The following ZNF385D variants were observed in gnomAD, a reference collection of about 807,000 sequenced individuals.
The protein encoded by ZNF385D is zinc finger protein 385D, also known as zinc finger protein 659.
A neutral mutation model predicts 35.8 loss-of-function variants in ZNF385D; 15 were observed. That is an observed-to-expected ratio of 0.42 (90% CI 0.28 to 0.64). The LOEUF is 0.64. Ranked by LOEUF, ZNF385D falls within the 30% of genes least tolerant of loss-of-function variation. ZNF385D has a pLI of 0.23. For missense variants in ZNF385D, 474 were observed against 494.6 expected (o/e 0.96, Z 0.39); for synonymous variants, 212 against 186.8 (o/e 1.13, Z -1.10).
intron 3 of ZNF385D, among the ~76,000 whole-genome samples, chr3:21,823,145 A>G (rs558403237): frequency 1.3e-4 from 20 of 152,256 alleles, no homozygotes; most frequent in African/African-American, 4.3e-4. Context: ...GTGTACATAT[A>G]TGTTTATTGA....
intron 3 of ZNF385D, among the ~76,000 whole-genome samples, chr3:22,105,493 G>A (rs1003316127): frequency 3.9e-5 from 6 of 151,994 alleles, no homozygotes; most frequent in South Asian, 2.1e-4. Context: ...ACACAATTAC[G>A]GAGGCTGAGA....
intron 2 of ZNF385D, among the ~76,000 whole-genome samples, chr3:22,327,653 C>T (rs541058901): frequency 8.5e-5 from 13 of 152,260 alleles, no homozygotes; most frequent in South Asian, 2.1e-4. Context: ...GTAGGTGGTG[C>T]TATGTTTTCT....
chr3:22,263,821 G>A (rs1215007287), intron 2 of ZNF385D, among the ~76,000 whole-genome samples: 1 of 151,904 alleles, frequency 6.6e-6, no homozygotes, highest in Admixed American at 6.6e-5. Flanking sequence ...GGCATCTAGT[G>A]GGTATTACTA....
At chr3:22,090,470 G>T (rs1020557964) in intron 3 of ZNF385D, among the ~76,000 whole-genome samples, 1 of 151,918 alleles carries the variant, frequency 6.6e-6, no homozygotes, top group Non-Finnish European at 1.5e-5. Flanking sequence ...CATGGTGTGG[G>T]ATAGATTTTT....
At chr3:22,290,929 T>C (rs1443065417) in intron 2 of ZNF385D, among the ~76,000 whole-genome samples, 1 of 152,150 alleles carries the variant, frequency 6.6e-6, no homozygotes, top group Non-Finnish European at 1.5e-5. Flanking sequence ...TGTATATTTT[T>C]GTGTGCTTTT....
At chr3:22,008,232 C>T (rs1576140544) in intron 3 of ZNF385D, among the ~76,000 whole-genome samples, 1 of 152,022 alleles carries the variant, frequency 6.6e-6, no homozygotes, top group African/African-American at 2.4e-5. Context: ...AAAATACACA[C>T]TTGTCATCAA....
At chr3:21,527,863 C>T (rs547436325) in intron 3 of ZNF385D, among the ~76,000 whole-genome samples, 19 of 152,208 alleles carry the variant, frequency 1.2e-4, no homozygotes, top group Admixed American at 8.5e-4. Context: ...TGGATTTTTA[C>T]GTGAGCACTA....
intron 2 of ZNF385D, among the ~76,000 whole-genome samples, chr3:22,258,627 A>C (rs774421104): frequency 6.6e-6 from 1 of 151,662 alleles, no homozygotes; most frequent in East Asian, 1.9e-4. Context: ...TGGTCTCAGA[A>C]CTCCTTATAC....
intron 3 of ZNF385D, among the ~76,000 whole-genome samples, chr3:22,140,975 ATTG>A (rs1480750475): frequency 3.9e-5 from 6 of 152,208 alleles, no homozygotes; most frequent in Admixed American, 3.3e-4. Context: ...AGCTCAAACA[ATTG>A]TTGAACTTAA....
chr3:21,652,474 T>A (rs549815726), intron 2 of ZNF385D, among the ~76,000 whole-genome samples: 8 of 152,302 alleles, frequency 5.3e-5, no homozygotes, highest in South Asian at 4.1e-4. Flanking sequence ...TATATTTTTT[T>A]AATTTTATTA....
intron 3 of ZNF385D, among the ~76,000 whole-genome samples, chr3:21,804,870 A>C (rs201978356): frequency 8.5e-5 from 2 of 23,454 alleles, no homozygotes; most frequent in African/African-American, 2.5e-4. Flanking sequence ...TACCACTATT[A>C]TAAGAAAGAA....
chr3:22,288,966 G>A (rs2125393918), intron 2 of ZNF385D, among the ~76,000 whole-genome samples: 1 of 152,214 alleles, frequency 6.6e-6, no homozygotes, highest in Middle Eastern at 3.4e-3. Flanking sequence ...GGAGACAAGA[G>A]TATGCCAAGT....
chr3:21,918,686 A>C (rs963529484), intron 3 of ZNF385D, among the ~76,000 whole-genome samples: 7 of 152,144 alleles, frequency 4.6e-5, no homozygotes, highest in African/African-American at 1.4e-4. Context: ...TTTTGACATT[A>C]TTCTTCTTTG....
At chr3:21,767,025 T>G (rs1365236598) in intron 3 of ZNF385D, among the ~76,000 whole-genome samples, 1 of 152,084 alleles carries the variant, frequency 6.6e-6, no homozygotes, top group Admixed American at 6.6e-5. Flanking sequence ...TTCGTTCCTT[T>G]CATTCATGAA....
intron 3 of ZNF385D, among the ~76,000 whole-genome samples, chr3:21,980,235 T>G (rs1694352497): frequency 6.6e-6 from 1 of 152,288 alleles, no homozygotes; most frequent in South Asian, 2.1e-4. Context: ...CCAGCCCCAG[T>G]CAAGCTTTCA....
At chr3:21,424,319 T>TTTATATATATATATATATATATATATA (rs1700905087) in intron 6 of ZNF385D, among the ~76,000 whole-genome samples, 1 of 28,182 alleles carries the variant, frequency 3.5e-5, no homozygotes, top group African/African-American at 1.4e-4. Context: ...ATATATATAT[T>TTTATATATATATATATATATATATATA]TTTTTTTTTT....
chr3:21,640,550 C>T (rs1015090514), intron 2 of ZNF385D, among the ~76,000 whole-genome samples: 4 of 151,960 alleles, frequency 2.6e-5, no homozygotes, highest in African/African-American at 9.7e-5. Context: ...AAGATTAGTG[C>T]CCTTATAAGG....
intron 2 of ZNF385D, among the ~76,000 whole-genome samples, chr3:22,357,152 G>A (rs1391986669): frequency 6.6e-6 from 1 of 151,880 alleles, no homozygotes; most frequent in African/African-American, 2.4e-5. Flanking sequence ...GCTTTCGGAT[G>A]GGAAGAAAAA....
At chr3:21,771,227 C>T (rs1430723497) in intron 3 of ZNF385D, among the ~76,000 whole-genome samples, 1 of 151,292 alleles carries the variant, frequency 6.6e-6, no homozygotes, top group African/African-American at 2.4e-5. Context: ...TACCCTAGAA[C>T]TTAAAGTATA....
Sources: allele counts gnomAD v4.1 joint callset (sites outside exome capture counted in the v4.1 genomes callset), GRCh38; gene constraint gnomAD v4.1.1; transcripts MANE v1.5; gene names NCBI Gene and HGNC (gene_info 2026-07-23, HGNC 2026-07-21).